ASH1L: variants seen among roughly 807,000 people sequenced by gnomAD.
ASH1L encodes the protein ASH1 like histone lysine methyltransferase, also known as histone-lysine N-methyltransferase ASH1L.
Under a neutral mutation model 269.0 loss-of-function variants are expected in ASH1L, and 23 were observed. The ratio of observed to expected loss-of-function variants is 0.09; its 90% CI spans 0.06 to 0.12. The LOEUF is 0.12. Ranked by LOEUF, ASH1L falls within the 10% of genes least tolerant of loss-of-function variation. The probability of loss-of-function intolerance (pLI) is 1.00; values close to 1 mark genes in which losing one functional copy is unlikely to be tolerated. For synonymous variants in ASH1L, 1,187 were observed against 1,253.5 expected, an observed-to-expected ratio of 0.95 and a Z score of 1.12; for missense variants, 2,912 against 3,567.8, an observed-to-expected ratio of 0.82 and a Z score of 4.68.
At position 155,482,077 on chromosome 1, in the gene ASH1L, T is replaced by C. The variant is rs1665996388; in HGVS notation, c.793A>G (p.Ile265Val). 2 of 1,614,050 alleles carry C rather than the reference T, an allele frequency of 1.2e-6. No individual in the cohort carries two copies. The highest frequency in any genetic ancestry group is 1.3e-5 in the African/African-American group (1 of 74,926). ...RKAGVGSVAG[I>V]IHKDLIKKPT... ...TTTTTTATTAAGTCCTTATGTATTA[T>C]TCCAGCTACAGAGCCAACACCTGCT... Residue 265 changes from isoleucine (I) to valine (V), a missense_variant, in exon 3 of 28, where the codon ATA (isoleucine) becomes GTA (valine). Physicochemically the swap from Ile to Val is conservative, Grantham distance 29. This residue lies in a region of ASH1L where 277 missense variants were observed against 367.7 expected (regional missense o/e 0.75). Coordinates refer to ENST00000392403, the MANE Select transcript of ASH1L (RefSeq NM_018489.3).
At chr1:155,516,166 A>G (rs986907994) in intron 2 of ASH1L, among the ~76,000 whole-genome samples, 1 of 152,126 alleles carries the variant, frequency 6.6e-6, no homozygotes, top group African/African-American at 2.4e-5. Context: ...CATTCAAAAC[A>G]CTGTATGTAA....
chr1:155,498,297 T>C (rs989407773), intron 2 of ASH1L, among the ~76,000 whole-genome samples: 1 of 151,710 alleles, frequency 6.6e-6, no homozygotes, highest in Non-Finnish European at 1.5e-5. Context: ...AAAAAAACTG[T>C]AGAGAAGAAC....
Position 155,483,619 on chromosome 1 carries a change from T to TG in ASH1L, c.421-1171dup, listed in dbSNP as rs77037075. The stretch of plus-strand genomic sequence containing the variant: ...TCCATATGCATTTAACTACATCCTT[T>TG]GACCCAGAAATCCTACTTTGAGGGT... On this transcript the variant is annotated intron_variant, in intron 2 of 27. Transcript: ENST00000392403. Among the ~76,000 whole-genome samples the TG allele has an allele frequency of 0.058, 8,816 of 152,112 alleles. 1,556 individuals are homozygous for TG. In the East Asian group the frequency reaches 0.68, roughly 12 times the overall value.
In ASH1L at chr1:155,561,924, C is replaced by G. The variant is rs1671998035; in HGVS notation, c.-100+229G>C. ...AGCCGACTCCGCCTCCACTCGCTTACTTCCCAGCCCCCTCCGGGAGTCTGC... is the reference window on the plus strand; with the variant it reads ...AGCCGACTCCGCCTCCACTCGCTTAGTTCCCAGCCCCCTCCGGGAGTCTGC... On this transcript the variant is annotated intron_variant, in intron 1 of 27. Coordinates refer to ENST00000392403, the MANE Select transcript of ASH1L (RefSeq NM_018489.3). 6.7e-6 allele frequency: 3 copies of G among 445,624 alleles called. No individual in the cohort carries two copies. The East Asian group carries it at 1.3e-4, about 19-fold the overall frequency. The allele number at this position is 445,624 out of a possible 1,614,324, so 27.6% of individuals were successfully genotyped here.
intron 17 of ASH1L, 113 bp from the exon 18 acceptor site, chr1:155,349,709 CTTTTT>C (rs993462774): frequency 2.0e-3 from 597 of 297,782 alleles, no homozygotes; most frequent in Middle Eastern, 3.6e-3. Flanking sequence ...AAATCCAAGT[CTTTTT>C]TTTTTTTTTT....
chr1:155,544,522 C>A (rs1464475710), intron 1 of ASH1L, among the ~76,000 whole-genome samples: 4 of 149,600 alleles, frequency 2.7e-5, no homozygotes, highest in Non-Finnish European at 5.9e-5. Context: ...CTCCTGCCCT[C>A]GTGATCTGCC....
In ASH1L at chr1:155,388,939, C is replaced by T. The variant is rs1657672622; in HGVS notation, c.6103+6520G>A. ...GCCTAAGTTGGTCTCAAACTCCTGGCCTCAAGCGATCTTCTCTCCTCGGCC... is the reference window on the plus strand; with the variant it reads ...GCCTAAGTTGGTCTCAAACTCCTGGTCTCAAGCGATCTTCTCTCCTCGGCC... On this transcript the variant is annotated intron_variant, in intron 7 of 27. Transcript: ENST00000392403. Among the ~76,000 whole-genome samples the T allele has an allele frequency of 2.0e-5, 3 of 150,882 alleles. No homozygotes were observed. In the South Asian group the frequency reaches 6.3e-4, roughly 32 times the overall value.
At chr1:155,495,113 C>A (rs1356332691) in intron 2 of ASH1L, among the ~76,000 whole-genome samples, 5 of 151,984 alleles carry the variant, frequency 3.3e-5, no homozygotes, top group Non-Finnish European at 7.4e-5. Flanking sequence ...GGAGCAAAAA[C>A]CTGGTTGAAA....
chr1:155,507,794 A>C (rs1336209034), intron 2 of ASH1L, among the ~76,000 whole-genome samples: 1 of 152,204 alleles, frequency 6.6e-6, no homozygotes, highest in Non-Finnish European at 1.5e-5. Flanking sequence ...GGATCACCTA[A>C]GCCCATGGGA....
intron 12 of ASH1L, among the ~76,000 whole-genome samples, chr1:155,366,865 T>C (rs1655471756): frequency 6.6e-6 from 1 of 151,930 alleles, no homozygotes; most frequent in Non-Finnish European, 1.5e-5. Flanking sequence ...AGAGACAGGG[T>C]TTCAGTCATC....
intron 4 of ASH1L, among the ~76,000 whole-genome samples, chr1:155,450,324 T>A (rs1663371017): frequency 6.6e-6 from 1 of 152,240 alleles, no homozygotes. Context: ...GTTTCATCGA[T>A]CTGTGGGATA....
intron 2 of ASH1L, among the ~76,000 whole-genome samples, chr1:155,516,677 G>A (rs1571038754): frequency 1.3e-5 from 2 of 152,008 alleles, no homozygotes; most frequent in Admixed American, 1.3e-4. Flanking sequence ...GCTAAGGCAG[G>A]AAGATTGCTT....
intron 5 of ASH1L, chr1:155,433,712 G>A (rs1427740618): frequency 3.7e-6 from 6 of 1,600,606 alleles, no homozygotes; most frequent in Non-Finnish European, 5.1e-6. Context: ...ATTTGGGAAG[G>A]TGTTCAGCCA....
chr1:155,431,766 T>TAAAC (rs749881675), intron 5 of ASH1L, among the ~76,000 whole-genome samples: 43 of 151,978 alleles, frequency 2.8e-4, no homozygotes, highest in Non-Finnish European at 4.1e-4. Flanking sequence ...CTGTCTAAAA[T>TAAAC]AAACAAACAA....
At chr1:155,395,341 GA>G in intron 7 of ASH1L, 117 bp downstream of exon 7, 1 of 725,206 alleles carries the variant, frequency 1.4e-6, no homozygotes, top group Non-Finnish European at 2.1e-6. Flanking sequence ...AAATGGTAAA[GA>G]AAGAGCTTGA....
intron 5 of ASH1L, among the ~76,000 whole-genome samples, chr1:155,417,815 G>A (rs181057031): frequency 1.2e-4 from 18 of 152,004 alleles, no homozygotes; most frequent in African/African-American, 3.6e-4. Flanking sequence ...AAAATTAGGC[G>A]GGTGTGGTGG....
At chr1:155,463,976 G>A (rs1329509748) in intron 3 of ASH1L, among the ~76,000 whole-genome samples, 1 of 152,208 alleles carries the variant, frequency 6.6e-6, no homozygotes, top group Non-Finnish European at 1.5e-5. Flanking sequence ...GTTACTCTGA[G>A]TGAATCTTCT....
chr1:155,492,703 A>G (rs981383507), intron 2 of ASH1L, among the ~76,000 whole-genome samples: 1 of 151,594 alleles, frequency 6.6e-6, no homozygotes, highest in Non-Finnish European at 1.5e-5. Flanking sequence ...TATGGATATT[A>G]TAACTTCATA....
chr1:155,406,535 C>T (rs1306200944), intron 6 of ASH1L, among the ~76,000 whole-genome samples: 1 of 152,040 alleles, frequency 6.6e-6, no homozygotes, highest in Non-Finnish European at 1.5e-5. Flanking sequence ...GAGGCCTTGT[C>T]TTTACAAAAA....
Sources: allele counts gnomAD v4.1 joint callset (sites outside exome capture counted in the v4.1 genomes callset), GRCh38; gene constraint gnomAD v4.1.1; regional missense constraint gnomAD v4.1.1; transcripts MANE v1.5; gene names NCBI Gene and HGNC (gene_info 2026-07-23, HGNC 2026-07-21).